CCSER1: variants seen among roughly 807,000 people sequenced by gnomAD.
The protein encoded by CCSER1 is coiled-coil serine rich protein 1.
Under a neutral mutation model 82.0 loss-of-function variants are expected in CCSER1, and 41 were observed. The ratio of observed to expected loss-of-function variants is 0.50; its 90% CI spans 0.39 to 0.65. The LOEUF (loss-of-function observed/expected upper bound fraction) is 0.65. CCSER1 is among the 30% of genes least tolerant of loss of function. CCSER1 has a pLI of 0.00. For missense variants in CCSER1, 1,119 were observed against 1,064.2 expected, an observed-to-expected ratio of 1.05 and a Z score of -0.72; for synonymous variants, 414 against 383.9, an observed-to-expected ratio of 1.08 and a Z score of -0.92.
At chr4:91,566,382 T>A (rs1338536518) in intron 10 of CCSER1, among the ~76,000 whole-genome samples, 2 of 152,130 alleles carry the variant, frequency 1.3e-5, no homozygotes, top group Non-Finnish European at 2.9e-5. Flanking sequence ...GGTTTTGGTA[T>A]CAAGATGATG....
intron 10 of CCSER1, among the ~76,000 whole-genome samples, chr4:91,379,814 T>G (rs1315886825): frequency 2.0e-5 from 3 of 152,134 alleles, no homozygotes; most frequent in African/African-American, 7.2e-5. Flanking sequence ...TGCTCTTGCT[T>G]TCTAGTTCTT....
At chr4:91,007,648 G>T (rs1165587641) in intron 9 of CCSER1, among the ~76,000 whole-genome samples, 1 of 144,762 alleles carries the variant, frequency 6.9e-6, no homozygotes, top group African/African-American at 2.6e-5. Flanking sequence ...AGTTACTCTG[G>T]CTAAACATTT....
At chr4:91,372,291 A>C (rs1420196187) in intron 10 of CCSER1, among the ~76,000 whole-genome samples, 1 of 152,146 alleles carries the variant, frequency 6.6e-6, no homozygotes, top group East Asian at 1.9e-4. Flanking sequence ...TAAAATGCAC[A>C]GTATATACAA....
chr4:91,329,819 T>A (rs2149274954), intron 10 of CCSER1, among the ~76,000 whole-genome samples: 1 of 152,088 alleles, frequency 6.6e-6, no homozygotes, highest in Admixed American at 6.6e-5. Flanking sequence ...TTTTACTCCT[T>A]GCTAGAGTTA....
chr4:90,856,924 C>T (rs996353900), intron 8 of CCSER1, among the ~76,000 whole-genome samples: 11 of 147,550 alleles, frequency 7.5e-5, no homozygotes, highest in Non-Finnish European at 1.2e-4. Flanking sequence ...GGGACTCATT[C>T]GGAGCTGGAT....
chr4:91,467,850 C>T lies in CCSER1; in HGVS notation c.2218-130722C>T, dbSNP rs1312689820. Among the ~76,000 whole-genome samples, 4 of 152,138 alleles carry T rather than the reference C, an allele frequency of 2.6e-5. No individual in the cohort carries two copies. The South Asian group carries it at 6.2e-4, about 24-fold the overall frequency. On this transcript the variant is annotated intron_variant, in intron 10 of 10. Coordinates refer to ENST00000509176, the MANE Select transcript of CCSER1 (RefSeq NM_001145065.2). ...TGGTGATCATTAAAAAGTCAGGAAA[C>T]AATAGGTGCTGGAGAGGATGTGGAG... is the stretch of plus-strand genomic sequence containing the variant.
chr4:90,772,391 T>C (rs1752315255), intron 7 of CCSER1, among the ~76,000 whole-genome samples: 2 of 152,120 alleles, frequency 1.3e-5, no homozygotes, highest in Non-Finnish European at 2.9e-5. Context: ...AGAGACATAA[T>C]AAATTTATAC....
intron 10 of CCSER1, among the ~76,000 whole-genome samples, chr4:91,346,560 C>T (rs995725119): frequency 7.9e-5 from 12 of 152,248 alleles, no homozygotes; most frequent in African/African-American, 2.2e-4. Context: ...TAAAAAATTG[C>T]AAAACTGTCT....
chr4:90,308,575 C>G lies in CCSER1; in HGVS notation c.291C>G (p.His97Gln), dbSNP rs767867925. 6.2e-7 allele frequency: 1 copy of G among 1,613,930 alleles called. No individual in the cohort carries two copies. Among genetic ancestry groups the G allele is most frequent in the East Asian group, 2.2e-5 (1 of 44,880 alleles). Reference protein sequence around the residue: ...LSISNGAQPGHSNMQKLSLEE... With the variant: ...LSISNGAQPGQSNMQKLSLEE... ...TTTCAAATGGTGCTCAACCTGGTCACAGCAATATGCAGAAACTGAGTTTGG... is the reference window on the plus strand; with the variant it reads ...TTTCAAATGGTGCTCAACCTGGTCAGAGCAATATGCAGAAACTGAGTTTGG... The change falls in exon 2 of 11, where the codon CAC (histidine) becomes CAG (glutamine). Residue 97 changes from histidine to glutamine, a missense_variant. His to Gln is a conservative substitution (Grantham distance 24). Coordinates refer to ENST00000509176, the MANE Select transcript of CCSER1 (RefSeq NM_001145065.2).
chr4:90,319,380 A>G (rs1198732350), intron 3 of CCSER1, among the ~76,000 whole-genome samples: 1 of 152,146 alleles, frequency 6.6e-6, no homozygotes. Flanking sequence ...GCCTGGGTGC[A>G]GTGGCTCAAA....
chr4:90,841,192 A>G (rs1017145505), intron 8 of CCSER1, among the ~76,000 whole-genome samples: 4 of 152,222 alleles, frequency 2.6e-5, no homozygotes, highest in Non-Finnish European at 2.9e-5. Flanking sequence ...GTTTATTAAA[A>G]TATTAGTTTG....
At chr4:90,324,468 CTTTT>C (rs1301269202) in intron 3 of CCSER1, among the ~76,000 whole-genome samples, 1 of 149,136 alleles carries the variant, frequency 6.7e-6, no homozygotes, top group Non-Finnish European at 1.5e-5. Context: ...TAAATGTCTT[CTTTT>C]GAGAAGTGTC....
chr4:90,215,444 C>T (rs182304033), intron 1 of CCSER1, among the ~76,000 whole-genome samples: 53 of 152,252 alleles, frequency 3.5e-4, no homozygotes, highest in Non-Finnish European at 4.0e-4. Flanking sequence ...CAGTTACTTT[C>T]GACCTTTAGT....
chr4:90,703,170 G>A (rs906281426), intron 6 of CCSER1, among the ~76,000 whole-genome samples: 2 of 152,108 alleles, frequency 1.3e-5, no homozygotes, highest in Non-Finnish European at 2.9e-5. Context: ...CTATTATGCT[G>A]TGTCTTTGTT....
At chr4:90,952,682 CTAT>C (rs1227213298) in intron 9 of CCSER1, among the ~76,000 whole-genome samples, 2 of 152,072 alleles carry the variant, frequency 1.3e-5, no homozygotes, top group African/African-American at 2.4e-5. Context: ...GACTGAGTCT[CTAT>C]TATTCAAGGT....
chr4:91,155,051 A>T (rs1730671042), intron 10 of CCSER1, among the ~76,000 whole-genome samples: 1 of 151,136 alleles, frequency 6.6e-6, no homozygotes, highest in Admixed American at 6.6e-5. Flanking sequence ...AAAAATCCTA[A>T]AACCTAGAGG....
intron 5 of CCSER1, among the ~76,000 whole-genome samples, chr4:90,574,068 A>G (rs1016332480): frequency 1.3e-5 from 2 of 151,882 alleles, no homozygotes; most frequent in South Asian, 2.1e-4. Context: ...AAAATCTTAT[A>G]GAATTTGATG....
At chr4:91,418,387 T>A (rs1753505317) in intron 10 of CCSER1, among the ~76,000 whole-genome samples, 2 of 136,022 alleles carry the variant, frequency 1.5e-5, no homozygotes, top group South Asian at 2.3e-4. Flanking sequence ...AAATGTTAAA[T>A]GAAAGAAGAG....
chr4:90,370,244 G>C (rs1035758175), intron 3 of CCSER1: 1 of 151,994 alleles, frequency 6.6e-6, no homozygotes, highest in East Asian at 1.9e-4. Context: ...GGCATTCCAC[G>C]TCTGCAGTTT....
Sources: gnomAD v4.1 joint callset for allele counts (sites outside exome capture counted in the v4.1 genomes callset) on GRCh38, gnomAD v4.1.1 for gene constraint, MANE v1.5 for transcripts, NCBI Gene and HGNC (gene_info 2026-07-23, HGNC 2026-07-21) for gene names.